PPARGC1A: variants seen among roughly 807,000 people sequenced by gnomAD.
PPARGC1A encodes PPARG coactivator 1 alpha, also known as peroxisome proliferator-activated receptor gamma coactivator 1-alpha.
In PPARGC1A, 25 loss-of-function variants were observed where a neutral mutation model predicts 88.7. That is an observed-to-expected ratio of 0.28 (90% CI 0.21 to 0.39). The LOEUF (loss-of-function observed/expected upper bound fraction) is 0.39. Among genes scored for constraint, PPARGC1A ranks in the 10% least tolerant of loss-of-function variants. PPARGC1A has a pLI of 1.00. For synonymous variants in PPARGC1A, 363 were observed against 355.6 expected (o/e 1.02, Z -0.24); for missense variants, 880 against 968.7 (o/e 0.91, Z 1.22).
At chr4:24,199,646 G>C in the PPARGC1A span, among the ~76,000 whole-genome samples, 3 of 152,082 alleles carry the variant, frequency 2.0e-5, no homozygotes, top group Non-Finnish European at 4.4e-5. Context: ...GTTGAACTTT[G>C]TAACAGCCAT....
At chr4:24,436,671 G>A in the PPARGC1A span, among the ~76,000 whole-genome samples, 9 of 122,882 alleles carry the variant, frequency 7.3e-5, no homozygotes, top group East Asian at 2.3e-4. Flanking sequence ...CCAGGTCACA[G>A]AGCTGACATC....
the PPARGC1A span, among the ~76,000 whole-genome samples, chr4:24,467,949 G>A: frequency 1.8e-4 from 27 of 152,278 alleles, no homozygotes; most frequent in South Asian, 8.3e-4. Flanking sequence ...TGTCTTTTAC[G>A]TAGCCTCAGG....
chr4:23,838,011 C>G (rs1308251500), intron 2 of PPARGC1A, among the ~76,000 whole-genome samples: 3 of 152,074 alleles, frequency 2.0e-5, no homozygotes, highest in Admixed American at 1.3e-4. Flanking sequence ...TTTTTTCCTG[C>G]AATAAAATTT....
At chr4:24,350,975 C>T in the PPARGC1A span, among the ~76,000 whole-genome samples, 1 of 10,130 alleles carries the variant, frequency 9.9e-5, no homozygotes, top group Admixed American at 1.8e-3. Context: ...AGAAAAAGAA[C>T]AATTTTTTTT....
chr4:24,003,103 G>T, the PPARGC1A span, among the ~76,000 whole-genome samples: 2 of 152,094 alleles, frequency 1.3e-5, no homozygotes, highest in Non-Finnish European at 2.9e-5. Context: ...AAAGAAAAAT[G>T]AAGTAAAAAG....
intron 2 of PPARGC1A, among the ~76,000 whole-genome samples, chr4:23,838,547 G>A (rs149720251): frequency 1.5e-4 from 23 of 152,222 alleles, no homozygotes; most frequent in Admixed American, 4.6e-4. Flanking sequence ...CTTACATTTC[G>A]TAACACATTA....
chr4:23,902,245 C>A (rs1397236963), upstream of PPARGC1A, among the ~76,000 whole-genome samples: 1 of 152,048 alleles, frequency 6.6e-6, no homozygotes, highest in South Asian at 2.1e-4. Flanking sequence ...TTTAACAGTA[C>A]AAAACTTTAA....
chr4:24,241,462 C>A, the PPARGC1A span, among the ~76,000 whole-genome samples: 45 of 152,222 alleles, frequency 3.0e-4, no homozygotes, highest in African/African-American at 1.1e-3. Flanking sequence ...TAAAATGCTT[C>A]TTGCAAGCAC....
the PPARGC1A span, among the ~76,000 whole-genome samples, chr4:24,187,442 T>C: frequency 5.3e-5 from 8 of 152,156 alleles, no homozygotes; most frequent in African/African-American, 1.9e-4. Flanking sequence ...ACCTATAAAA[T>C]TACCTAAAAG....
intron 5 of PPARGC1A, among the ~76,000 whole-genome samples, chr4:23,827,934 A>C (rs1261626303): frequency 6.6e-6 from 1 of 152,168 alleles, no homozygotes; most frequent in African/African-American, 2.4e-5. Flanking sequence ...GAAGAATTAG[A>C]AAAGGAATGT....
chr4:24,185,661 T>C, the PPARGC1A span, among the ~76,000 whole-genome samples: 1 of 152,206 alleles, frequency 6.6e-6, no homozygotes, highest in Admixed American at 6.5e-5. Context: ...CTTTTTCTTT[T>C]TAAGTTGATA....
chr4:24,423,361 G>A, the PPARGC1A span, among the ~76,000 whole-genome samples: 3 of 152,200 alleles, frequency 2.0e-5, no homozygotes, highest in Non-Finnish European at 2.9e-5. Context: ...TAAAAGATGA[G>A]ATGAAACCCT....
At chr4:24,233,615 CACACACAT>C in the PPARGC1A span, among the ~76,000 whole-genome samples, 518 of 126,382 alleles carry the variant, frequency 4.1e-3, no homozygotes, top group Non-Finnish European at 7.3e-3. Context: ...CACACACACA[CACACACAT>C]ATACACACCC....
At chr4:23,887,596 A>T (rs1478042606) in intron 1 of PPARGC1A, among the ~76,000 whole-genome samples, 1 of 152,212 alleles carries the variant, frequency 6.6e-6, no homozygotes, top group East Asian at 1.9e-4. Context: ...CAAAAGGCTA[A>T]TTATTGTATG....
chr4:23,819,368 C>G (rs1722571502), intron 7 of PPARGC1A, among the ~76,000 whole-genome samples: 1 of 152,172 alleles, frequency 6.6e-6, no homozygotes, highest in Non-Finnish European at 1.5e-5. Context: ...AAGTATTTCT[C>G]CTATCACCCC....
chr4:24,241,268 CTT>C, the PPARGC1A span, among the ~76,000 whole-genome samples: 1 of 151,954 alleles, frequency 6.6e-6, no homozygotes, highest in Non-Finnish European at 1.5e-5. Context: ...TTAGAAAATA[CTT>C]TTGTAAAAGA....
chr4:24,035,337 C>T, the PPARGC1A span, among the ~76,000 whole-genome samples: 6 of 151,884 alleles, frequency 4.0e-5, no homozygotes, highest in Non-Finnish European at 5.9e-5. Flanking sequence ...GTCAGGAGTT[C>T]GAGACCAGAT....
the PPARGC1A span, among the ~76,000 whole-genome samples, chr4:24,223,474 T>C: frequency 6.6e-6 from 1 of 152,202 alleles, no homozygotes; most frequent in Non-Finnish European, 1.5e-5. Context: ...GGTCTTGAAC[T>C]CCTGACCTCA....
the PPARGC1A span, among the ~76,000 whole-genome samples, chr4:24,360,307 G>T: frequency 6.6e-6 from 1 of 152,058 alleles, no homozygotes; most frequent in East Asian, 1.9e-4. Flanking sequence ...TATGACTGCA[G>T]AATAAAATCC....
Sources: gnomAD v4.1 joint callset for allele counts (sites outside exome capture counted in the v4.1 genomes callset) on GRCh38, gnomAD v4.1.1 for gene constraint, MANE v1.5 for transcripts, NCBI Gene and HGNC (gene_info 2026-07-23, HGNC 2026-07-21) for gene names.